LARGE1: variants seen among roughly 807,000 people sequenced by gnomAD.
LARGE1 encodes the protein xylosyl- and glucuronyltransferase LARGE1.
LARGE1 carries 43 observed loss-of-function variants against 87.6 expected under a neutral mutation model. The ratio of observed to expected loss-of-function variants is 0.49; its 90% CI spans 0.38 to 0.63. LARGE1 has a LOEUF of 0.63. LARGE1 is among the 30% of genes least tolerant of loss of function. The pLI, the probability that LARGE1 is intolerant of heterozygous loss-of-function variation, is 0.00. For synonymous variants in LARGE1, 434 were observed against 394.6 expected, an observed-to-expected ratio of 1.10 and a Z score of -1.18; for missense variants, 802 against 1,000.2, an observed-to-expected ratio of 0.80 and a Z score of 2.67.
chr22:33,455,020 C>T (rs1477444753), intron 6 of LARGE1, among the ~76,000 whole-genome samples: 5 of 152,160 alleles, frequency 3.3e-5, no homozygotes, highest in Non-Finnish European at 7.3e-5. Flanking sequence ...AAAAGCAATC[C>T]ACAGATAAGG....
intron 6 of LARGE1, among the ~76,000 whole-genome samples, chr22:33,466,693 T>TACACACACACACACAC (rs536654371): frequency 0.024 from 3,475 of 145,234 alleles, 69 homozygotes; most frequent in East Asian, 0.079. Context: ...TCTCTCTCTC[T>TACACACACACACACAC]ACACACACAC....
At chr22:33,390,368 G>A (rs1444451142) in intron 7 of LARGE1, among the ~76,000 whole-genome samples, 2 of 152,186 alleles carry the variant, frequency 1.3e-5, no homozygotes, top group East Asian at 3.8e-4. Context: ...TGTGGGAACC[G>A]AGGTGCTGAG....
chr22:33,278,549 T>TCG (rs1929781035), intron 13 of LARGE1, among the ~76,000 whole-genome samples: 1 of 127,736 alleles, frequency 7.8e-6, no homozygotes, highest in African/African-American at 4.1e-5. Flanking sequence ...TAAATCTCTC[T>TCG]CTCTCACACA....
At chr22:33,881,980 C>G (rs117229795) in intron 1 of LARGE1, among the ~76,000 whole-genome samples, 3,352 of 152,006 alleles carry the variant, frequency 0.022, 63 homozygotes, top group Middle Eastern at 0.045. Context: ...GGTACTAACA[C>G]CTTTGCCACA....
chr22:33,899,611 T>C (rs2065233259), intron 1 of LARGE1, among the ~76,000 whole-genome samples: 1 of 152,144 alleles, frequency 6.6e-6, no homozygotes, highest in African/African-American at 2.4e-5. Flanking sequence ...ACTGGGACTT[T>C]GTCTTGTTCT....
chr22:33,915,004 CAA>C (rs2065741646), intron 1 of LARGE1, among the ~76,000 whole-genome samples: 1 of 123,188 alleles, frequency 8.1e-6, no homozygotes, highest in Non-Finnish European at 1.7e-5. Context: ...GACAAACATA[CAA>C]ACACAAACAC....
At chr22:33,641,991 A>C (rs1332483696) in intron 3 of LARGE1, among the ~76,000 whole-genome samples, 2 of 152,350 alleles carry the variant, frequency 1.3e-5, no homozygotes, top group Admixed American at 6.5e-5. Context: ...TCCCCAACCT[A>C]GCAAGACAGG....
intron 11 of LARGE1, among the ~76,000 whole-genome samples, chr22:33,254,283 T>C (rs1927149651): frequency 1.3e-5 from 2 of 152,040 alleles, no homozygotes. Flanking sequence ...CTGGGGAGCA[T>C]GTTTGGATTT....
chr22:33,173,688 A>T (rs1490762430), intron 11 of LARGE1, among the ~76,000 whole-genome samples: 1 of 152,138 alleles, frequency 6.6e-6, no homozygotes, highest in Non-Finnish European at 1.5e-5. Context: ...AGGGGTTGCA[A>T]TCCTAGTCTC....
chr22:33,191,253 T>TA (rs749362175), intron 11 of LARGE1, among the ~76,000 whole-genome samples: 19 of 150,746 alleles, frequency 1.3e-4, no homozygotes, highest in Non-Finnish European at 2.1e-4. Context: ...CAGATACAGT[T>TA]ATGTAAAAAG....
chr22:33,343,931 A>C (rs1022188467), intron 9 of LARGE1, among the ~76,000 whole-genome samples: 2 of 152,206 alleles, frequency 1.3e-5, no homozygotes. Flanking sequence ...CTGAGGAGCA[A>C]AGAGAGCCAG....
the LARGE1 span, among the ~76,000 whole-genome samples, chr22:33,080,580 A>T: frequency 2.0e-5 from 3 of 152,252 alleles, no homozygotes; most frequent in East Asian, 5.8e-4. Context: ...TCACGTGGGC[A>T]TGGAACACAT....
At chr22:33,432,694 G>A (rs1428710003) in intron 6 of LARGE1, among the ~76,000 whole-genome samples, 1 of 152,024 alleles carries the variant, frequency 6.6e-6, no homozygotes, top group Non-Finnish European at 1.5e-5. Context: ...ATTTCCCACT[G>A]TACATTAATT....
In LARGE1 at chr22:33,791,204, T is replaced by C. The variant is rs1367837291; in HGVS notation, c.-82-29646A>G. ...TTTGTGCTGTACACTGGAAAGGCTG[T>C]AGCCACCTTTAAACTTTCCCCAGGA... On this transcript the variant is annotated intron_variant, in intron 1 of 14. Coordinates refer to ENST00000397394, the MANE Select transcript of LARGE1 (RefSeq NM_133642.5). Among the ~76,000 whole-genome samples the C allele has an allele frequency of 5.3e-5, 8 of 152,320 alleles. No homozygotes were observed. The East Asian group carries it at 1.5e-3, about 29-fold the overall frequency.
At chr22:33,454,684 C>T (rs1197637268) in intron 6 of LARGE1, among the ~76,000 whole-genome samples, 2 of 150,844 alleles carry the variant, frequency 1.3e-5, no homozygotes, top group African/African-American at 4.9e-5. Flanking sequence ...GCAGGCTGTA[C>T]AGGAAGCATG....
At chr22:33,253,674 C>T (rs868473202) in intron 11 of LARGE1, among the ~76,000 whole-genome samples, 2 of 152,104 alleles carry the variant, frequency 1.3e-5, no homozygotes, top group Non-Finnish European at 2.9e-5. Context: ...ATTGCACCAT[C>T]GCACTCCAGC....
intron 11 of LARGE1, among the ~76,000 whole-genome samples, chr22:33,253,768 C>G (rs554110104): frequency 6.6e-6 from 1 of 152,224 alleles, no homozygotes; most frequent in South Asian, 2.1e-4. Flanking sequence ...TGGGGCTGCA[C>G]CTCGGAGGGG....
intron 6 of LARGE1, among the ~76,000 whole-genome samples, chr22:33,489,130 G>A (rs1236453332): frequency 1.3e-5 from 2 of 152,218 alleles, no homozygotes; most frequent in Non-Finnish European, 2.9e-5. Flanking sequence ...ACAAGAGAAT[G>A]CAAAGTCAGA....
chr22:33,887,087 G>A (rs1320671806), intron 1 of LARGE1, among the ~76,000 whole-genome samples: 1 of 152,186 alleles, frequency 6.6e-6, no homozygotes, highest in East Asian at 1.9e-4. Context: ...GGGAAGTGAA[G>A]GAAACAGAAT....
Sources: gnomAD v4.1 joint callset for allele counts (sites outside exome capture counted in the v4.1 genomes callset) on GRCh38, gnomAD v4.1.1 for gene constraint, MANE v1.5 for transcripts, NCBI Gene and HGNC (gene_info 2026-07-23, HGNC 2026-07-21) for gene names.